The following RSRC1 variants were observed in gnomAD, a reference collection of about 807,000 sequenced individuals.
The protein encoded by RSRC1 is arginine and serine rich coiled-coil 1, also known as serine/Arginine-related protein 53.
RSRC1 carries 39 observed loss-of-function variants against 49.1 expected under a neutral mutation model. That is an observed-to-expected ratio of 0.79 (90% CI 0.61 to 1.04). The LOEUF (loss-of-function observed/expected upper bound fraction) is 1.04, where lower values mean the gene tolerates loss of function less well. RSRC1 is among the 50% of genes least tolerant of loss of function. RSRC1 has a pLI of 0.00. For synonymous variants in RSRC1, 143 were observed against 130.8 expected, an observed-to-expected ratio of 1.09 and a Z score of -0.63; for missense variants, 388 against 402.4, an observed-to-expected ratio of 0.96 and a Z score of 0.31.
intron 7 of RSRC1, among the ~76,000 whole-genome samples, chr3:158,478,244 CT>C (rs1413379136): frequency 6.7e-6 from 1 of 149,442 alleles, no homozygotes; most frequent in African/African-American, 2.5e-5. Context: ...GTTTTTTTTT[CT>C]TTTTGTTTGT....
intron 3 of RSRC1, among the ~76,000 whole-genome samples, chr3:158,196,257 A>C (rs1720606358): frequency 6.6e-6 from 1 of 151,772 alleles, no homozygotes; most frequent in Non-Finnish European, 1.5e-5. Flanking sequence ...ATTCTCTTTG[A>C]AGCAATTGTG....
chr3:158,110,409 G>A (rs895088134), intron 1 of RSRC1, 186 bp downstream of exon 1: 2 of 152,688 alleles, frequency 1.3e-5, no homozygotes, highest in Admixed American at 6.5e-5. Flanking sequence ...GGAGGCTCCG[G>A]ACTCCTTGGG....
chr3:158,203,245 G>T lies in RSRC1; in HGVS notation c.494G>T (p.Gly165Val). 1 of 1,574,464 alleles carries T rather than the reference G, an allele frequency of 6.4e-7. No individual in the cohort carries two copies. Among genetic ancestry groups the T allele is most frequent in the East Asian group, 2.3e-5 (1 of 43,246 alleles). The change falls in exon 4 of 10, where the codon GGG (glycine) becomes GTG (valine). Residue 165 changes from glycine (G) to valine (V), a missense_variant and splice_region_variant. Coordinates refer to ENST00000611884, the MANE Select transcript of RSRC1 (RefSeq NM_001271838.2). ...AAGGAATTACATAACATCAAACGTG[G>T]GTAAGTTGGAGCAAATCTTATCTGG... ...KDKELHNIKR[G>V]ESGNIKAGLE... is the part of the protein sequence containing the mutation.
At chr3:158,196,044 G>A (rs2108269795) in intron 3 of RSRC1, among the ~76,000 whole-genome samples, 1 of 152,202 alleles carries the variant, frequency 6.6e-6, no homozygotes, top group South Asian at 2.1e-4. Flanking sequence ...GAAAGTCATT[G>A]GTAACTTGAT....
intron 3 of RSRC1, among the ~76,000 whole-genome samples, chr3:158,133,857 A>G (rs1044476634): frequency 1.3e-5 from 2 of 152,216 alleles, no homozygotes; most frequent in African/African-American, 2.4e-5. Context: ...TTAGTTTACT[A>G]AGTGGAACAG....
At chr3:158,222,252 T>C (rs1722262826) in intron 4 of RSRC1, among the ~76,000 whole-genome samples, 1 of 151,544 alleles carries the variant, frequency 6.6e-6, no homozygotes, top group Non-Finnish European at 1.5e-5. Flanking sequence ...TTTTTTCACA[T>C]GTAACCATCT....
intron 7 of RSRC1, among the ~76,000 whole-genome samples, chr3:158,462,763 C>T (rs1167484950): frequency 6.6e-6 from 1 of 151,570 alleles, no homozygotes; most frequent in African/African-American, 2.4e-5. Context: ...ACTATAGATA[C>T]TTGAACATTA....
intron 5 of RSRC1, among the ~76,000 whole-genome samples, chr3:158,314,556 A>G (rs905126270): frequency 6.6e-6 from 1 of 152,156 alleles, no homozygotes; most frequent in African/African-American, 2.4e-5. Flanking sequence ...CTGACTAGCA[A>G]TTGTTATCCT....
chr3:158,121,408 G>T (rs548869816), intron 1 of RSRC1, among the ~76,000 whole-genome samples: 3 of 152,094 alleles, frequency 2.0e-5, no homozygotes, highest in African/African-American at 7.2e-5. Flanking sequence ...TTTCTAAAAA[G>T]ATTATTCTAC....
At chr3:158,149,433 G>A (rs555330956) in intron 3 of RSRC1, among the ~76,000 whole-genome samples, 2 of 152,104 alleles carry the variant, frequency 1.3e-5, no homozygotes, top group Non-Finnish European at 2.9e-5. Flanking sequence ...GTTTGGTCAC[G>A]CGTGACTAGG....
At chr3:158,428,620 A>G (rs1477637995) in intron 6 of RSRC1, among the ~76,000 whole-genome samples, 3 of 152,016 alleles carry the variant, frequency 2.0e-5, no homozygotes, top group Non-Finnish European at 4.4e-5. Context: ...AGGGTATATA[A>G]TAAAGGCTGA....
rs567590831 is a variant in RSRC1, at chr3:158,355,661, T to A, written c.583+753T>A. On this transcript the variant is annotated intron_variant, in intron 6 of 9. Transcript: ENST00000611884. ...ATAGACATTAAATACTTTACTTTTT[T>A]AAAAATATATAAGATCTATATTTTC... Among the ~76,000 whole-genome samples the A allele has an allele frequency of 3.9e-4, 59 of 152,146 alleles. No homozygotes were observed. In the East Asian group the frequency reaches 6.2e-3, roughly 16 times the overall value.
chr3:158,355,438 G>T (rs1295215936), intron 6 of RSRC1, among the ~76,000 whole-genome samples: 1 of 151,504 alleles, frequency 6.6e-6, no homozygotes, highest in African/African-American at 2.4e-5. Flanking sequence ...TTTAAATAAG[G>T]TGTAATGTTT....
intron 5 of RSRC1, among the ~76,000 whole-genome samples, chr3:158,325,470 A>G (rs1729074394): frequency 6.6e-6 from 1 of 152,200 alleles, no homozygotes; most frequent in African/African-American, 2.4e-5. Flanking sequence ...TCCCAGAACC[A>G]TTTATTAAAT....
chr3:158,322,199 T>C (rs1242132125), intron 5 of RSRC1, among the ~76,000 whole-genome samples: 1 of 152,192 alleles, frequency 6.6e-6, no homozygotes, highest in African/African-American at 2.4e-5. Context: ...TTATTTCGTG[T>C]TTATTTTTGT....
intron 6 of RSRC1, among the ~76,000 whole-genome samples, chr3:158,366,316 T>G (rs1175977858): frequency 6.6e-6 from 1 of 152,234 alleles, no homozygotes; most frequent in Admixed American, 6.5e-5. Flanking sequence ...CTTGAGTTAC[T>G]TTTTGCATAA....
chr3:158,542,635 A>G (rs964305545), intron 8 of RSRC1, among the ~76,000 whole-genome samples: 9 of 152,222 alleles, frequency 5.9e-5, no homozygotes, highest in Non-Finnish European at 1.0e-4. Flanking sequence ...ATCCATAGAG[A>G]AAGAAGATTA....
Position 158,177,613 on chromosome 3 carries a change from CG to C in RSRC1, c.321-25454del, listed in dbSNP as rs550309601. Among the ~76,000 whole-genome samples, 27 of 147,430 alleles carry C rather than the reference CG, an allele frequency of 1.8e-4. No homozygotes were observed. In the East Asian group the frequency reaches 3.2e-3, roughly 17 times the overall value. On this transcript the variant is annotated intron_variant, in intron 3 of 9. Transcript: ENST00000611884. Reference sequence around the variant, plus strand: ...CAATGAGAACACTTGGACACGGGGGCGGGGGAACATCACACACCAGGGCCTG... The same window carrying C: ...CAATGAGAACACTTGGACACGGGGGCGGGGAACATCACACACCAGGGCCTG...
chr3:158,479,641 C>A (rs1359412359), intron 7 of RSRC1, among the ~76,000 whole-genome samples: 1 of 151,978 alleles, frequency 6.6e-6, no homozygotes, highest in East Asian at 1.9e-4. Context: ...GAAATACTGA[C>A]CTTACTCGGA....
Sources: gnomAD v4.1 joint callset for allele counts (sites outside exome capture counted in the v4.1 genomes callset) on GRCh38, gnomAD v4.1.1 for gene constraint, MANE v1.5 for transcripts, NCBI Gene and HGNC (gene_info 2026-07-23, HGNC 2026-07-21) for gene names.